The following ZNF679 variants were observed in gnomAD, a reference collection of about 807,000 sequenced individuals.
The protein encoded by ZNF679 is hypothetical protein MGC42415.
Under a neutral mutation model 13.4 loss-of-function variants are expected in ZNF679, and 10 were observed. That is an observed-to-expected ratio of 0.75 (90% CI 0.46 to 1.27). The LOEUF (loss-of-function observed/expected upper bound fraction) is 1.27. Ranked by LOEUF, ZNF679 falls within the 50% of genes most tolerant of loss-of-function variation. The pLI is 0.00. For missense variants in ZNF679, 525 were observed against 477.8 expected, an observed-to-expected ratio of 1.10 and a Z score of -0.92; for synonymous variants, 179 against 162.5, an observed-to-expected ratio of 1.10 and a Z score of -0.77.
chr7:64,243,979 C>T (rs544452175), intron 1 of ZNF679, among the ~76,000 whole-genome samples: 4 of 152,182 alleles, frequency 2.6e-5, no homozygotes, highest in Admixed American at 6.5e-5. Flanking sequence ...GGGCCAGACA[C>T]GGTGGCTCAA....
At chr7:64,246,177 T>C (rs1464788609) in intron 1 of ZNF679, among the ~76,000 whole-genome samples, 5 of 152,232 alleles carry the variant, frequency 3.3e-5, no homozygotes, top group African/African-American at 4.8e-5. Context: ...TGTTCTTGCC[T>C]TTTATTAAAA....
At chr7:64,240,874 A>G (rs921325443) in intron 1 of ZNF679, among the ~76,000 whole-genome samples, 12 of 152,204 alleles carry the variant, frequency 7.9e-5, no homozygotes, top group Admixed American at 7.9e-4. Context: ...TCAATGCACG[A>G]GAGCCCAAAT....
intron 2 of ZNF679, among the ~76,000 whole-genome samples, chr7:64,258,536 A>G (rs147370619): frequency 3.3e-5 from 5 of 151,548 alleles, no homozygotes; most frequent in Admixed American, 2.6e-4. Flanking sequence ...GTCCGTCTCT[A>G]TTAAAAATAC....
chr7:64,260,423 G>T, intron 3 of ZNF679, 76 bp downstream of exon 3: 1 of 1,547,066 alleles, frequency 6.5e-7, no homozygotes, highest in Non-Finnish European at 8.7e-7. Flanking sequence ...GGTAATTTCT[G>T]CTTTGCATGA....
At chr7:64,260,982 G>T in intron 4 of ZNF679, 53 bp downstream of exon 4, 2 of 1,534,848 alleles carry the variant, frequency 1.3e-6, no homozygotes, top group Non-Finnish European at 1.8e-6. Context: ...CAAAAGTCAA[G>T]GAGGAAGCCA....
At chr7:64,255,911 AT>A (rs547060311) in intron 2 of ZNF679, among the ~76,000 whole-genome samples, 3 of 151,988 alleles carry the variant, frequency 2.0e-5, no homozygotes, top group South Asian at 2.1e-4. Flanking sequence ...GCCTGGCAGA[AT>A]TTTTTTTCTT....
rs1402119478 is a variant in ZNF679, at chr7:64,260,268, G to C, written c.87G>C (p.Glu29Asp). The change falls in exon 3 of 5, where the codon GAG (glutamate) becomes GAC (aspartate). Residue 29 changes from glutamate to aspartate, a missense_variant. Glu to Asp is a conservative substitution (Grantham distance 45). Transcript: ENST00000421025. ...TAGTCATAGAATTCTCTCTGGAGGA[G>C]TGGCAATGCCTGGATCACGCTCAGC... ...RDVVIEFSLE[E>D]WQCLDHAQQN... 9.3e-6 allele frequency: 15 copies of C among 1,611,920 alleles called. No individual in the cohort carries two copies. The highest frequency in any genetic ancestry group is 1.2e-5 in the Non-Finnish European group (14 of 1,179,470).
chr7:64,266,821 T>A lies in ZNF679; in HGVS notation c.1188T>A (p.Ala396=). ...CTTTTAAGTGGTCCTCAAGTCTTGC[T>A]AATCATAAGAGTATGCATACTGGAG... ...DKAFKWSSSL[A]NHKSMHTGEK... Residue 396 remains alanine, a synonymous_variant, in exon 5 of 5, where the codon GCT becomes GCA. Transcript: ENST00000421025. 1 of 1,599,842 alleles carries A rather than the reference T, an allele frequency of 6.3e-7. No individual in the cohort carries two copies. Among genetic ancestry groups the A allele is most frequent in the Non-Finnish European group, 8.5e-7 (1 of 1,172,422 alleles).
chr7:64,247,073 G>A, intron 1 of ZNF679, among the ~76,000 whole-genome samples: 1 of 152,166 alleles, frequency 6.6e-6, no homozygotes, highest in Non-Finnish European at 1.5e-5. Flanking sequence ...CATGGCACTG[G>A]TGGGAATGTC....
At chr7:64,259,038 AG>A (rs1179967350) in intron 2 of ZNF679, among the ~76,000 whole-genome samples, 1 of 151,910 alleles carries the variant, frequency 6.6e-6, no homozygotes, top group Non-Finnish European at 1.5e-5. Flanking sequence ...CAGCCTCTCT[AG>A]TATCTGGGAT....
At chr7:64,255,967 TATAGGTAAAATC>T (rs1394073212) in intron 2 of ZNF679, among the ~76,000 whole-genome samples, 1 of 152,140 alleles carries the variant, frequency 6.6e-6, no homozygotes, top group Non-Finnish European at 1.5e-5. Context: ...AAGTTTGTTA[TATAGGTAAAATC>T]ATATCATGAA....
At chr7:64,262,568 A>G (rs1475249507) in intron 4 of ZNF679, among the ~76,000 whole-genome samples, 1 of 152,008 alleles carries the variant, frequency 6.6e-6, no homozygotes, top group East Asian at 1.9e-4. Flanking sequence ...TGTTGAAGGG[A>G]TTATATTTTC....
chr7:64,265,908 A>G lies in ZNF679; in HGVS notation c.275A>G (p.His92Arg), dbSNP rs569069333. 1.7e-5 allele frequency: 27 copies of G among 1,613,340 alleles called. No individual in the cohort carries two copies. The South Asian group carries it at 3.0e-4, about 18-fold the overall frequency. The change falls in exon 5 of 5, where the codon CAT (histidine) becomes CGT (arginine). Residue 92 changes from histidine to arginine, a missense_variant. By Grantham distance (29) the His-to-Arg change is conservative. Transcript: ENST00000421025. ...TTATGTCTTTCAGTTATGTGTTCTC[A>G]TTTCACCCAAGACCTTCCGCCAGAG... ...MVTKHPVMCS[H>R]FTQDLPPELG... is the part of the protein sequence containing the mutation.
chr7:64,251,683 C>T (rs559257892), intron 2 of ZNF679, among the ~76,000 whole-genome samples: 146 of 152,256 alleles, frequency 9.6e-4, no homozygotes, highest in African/African-American at 3.3e-3. Flanking sequence ...AGATACCCAC[C>T]GTGACCATGT....
At chr7:64,238,369 G>A (rs1226427951) in intron 1 of ZNF679, among the ~76,000 whole-genome samples, 1 of 152,044 alleles carries the variant, frequency 6.6e-6, no homozygotes, top group Non-Finnish European at 1.5e-5. Flanking sequence ...TAGCTATTAT[G>A]TTTGGTGCTT....
At chr7:64,261,385 T>C (rs1241831217) in intron 4 of ZNF679, among the ~76,000 whole-genome samples, 1 of 152,172 alleles carries the variant, frequency 6.6e-6, no homozygotes, top group Non-Finnish European at 1.5e-5. Context: ...ACTTGAAATA[T>C]AGTTTAAGGT....
chr7:64,233,253 C>CAAAAAAAAA (rs71060564), intron 1 of ZNF679, among the ~76,000 whole-genome samples: 3 of 126,220 alleles, frequency 2.4e-5, no homozygotes, highest in East Asian at 2.2e-4. Context: ...AACAAATAAA[C>CAAAAAAAAA]AAAAAAAAAA....
At chr7:64,252,878 C>G (rs907825137) in intron 2 of ZNF679, among the ~76,000 whole-genome samples, 21 of 152,224 alleles carry the variant, frequency 1.4e-4, no homozygotes, top group Middle Eastern at 3.4e-3. Context: ...CCGCCATGCC[C>G]GGCTAATTTC....
rs750631719 is a variant in ZNF679, at chr7:64,266,041, G to A, written c.408G>A (p.Val136=). 6.2e-7 allele frequency: 1 copy of A among 1,613,330 alleles called. No homozygotes were observed. The highest frequency in any genetic ancestry group is 1.1e-5 in the South Asian group (1 of 91,060). The change falls in exon 5 of 5, where the codon GTG becomes GTA. Residue 136 remains valine, a synonymous_variant. Transcript: ENST00000421025. ...GTAAAAGCATGGGTGAGTGTGAGGT[G>A]CAAAAAGGAGGTTGTAATGAAGTTA... The part of the protein sequence containing the change: ...KTCKSMGECE[V]QKGGCNEVNQ...
Sources: allele counts gnomAD v4.1 joint callset (sites outside exome capture counted in the v4.1 genomes callset), GRCh38; gene constraint gnomAD v4.1.1; transcripts MANE v1.5; gene names NCBI Gene and HGNC (gene_info 2026-07-23, HGNC 2026-07-21).